GRID2: variants seen among roughly 807,000 people sequenced by gnomAD.
GRID2 encodes the protein glutamate receptor ionotropic, delta-2.
GRID2 carries 33 observed loss-of-function variants against 114.8 expected under a neutral mutation model. That is an observed-to-expected ratio of 0.29 (90% CI 0.22 to 0.38). The LOEUF (loss-of-function observed/expected upper bound fraction) is 0.38, where lower values mean the gene tolerates loss of function less well. Ranked by LOEUF, GRID2 falls within the 10% of genes least tolerant of loss-of-function variation. The pLI is 1.00. For synonymous variants in GRID2, 505 were observed against 449.9 expected (o/e 1.12, Z -1.55); for missense variants, 1,184 against 1,257.7 (o/e 0.94, Z 0.89).
At chr4:92,564,133 C>A (rs1219722599) in intron 1 of GRID2, among the ~76,000 whole-genome samples, 1 of 151,836 alleles carries the variant, frequency 6.6e-6, no homozygotes, top group African/African-American at 2.4e-5. Flanking sequence ...ACCCTTAGTC[C>A]TAGTCTATAC....
chr4:93,578,916 A>G (rs1382712777), intron 13 of GRID2, among the ~76,000 whole-genome samples: 1 of 152,008 alleles, frequency 6.6e-6, no homozygotes. Context: ...TAACTGTCAG[A>G]CATTCTTCCA....
intron 13 of GRID2, among the ~76,000 whole-genome samples, chr4:93,555,665 G>A (rs545355424): frequency 9.2e-5 from 14 of 152,298 alleles, no homozygotes; most frequent in African/African-American, 2.4e-4. Context: ...GGGAAGGGGC[G>A]GCTGTGAAGT....
chr4:93,031,287 G>A (rs550386253), intron 2 of GRID2, among the ~76,000 whole-genome samples: 9 of 151,826 alleles, frequency 5.9e-5, no homozygotes, highest in Non-Finnish European at 1.2e-4. Context: ...CTAGTGATCT[G>A]CCTGCCTCGG....
chr4:93,016,069 G>GTA, intron 2 of GRID2, among the ~76,000 whole-genome samples: 1 of 151,086 alleles, frequency 6.6e-6, no homozygotes, highest in Middle Eastern at 3.4e-3. Flanking sequence ...GTGAGTGTGT[G>GTA]TGTGTGTGTG....
chr4:93,392,034 CT>C (rs1385745818), intron 8 of GRID2, among the ~76,000 whole-genome samples: 5 of 152,186 alleles, frequency 3.3e-5, no homozygotes, highest in Non-Finnish European at 7.4e-5. Context: ...ATTGGGTTTA[CT>C]TTTTTTATCC....
At chr4:93,747,879 A>G (rs1158318328) in intron 14 of GRID2, among the ~76,000 whole-genome samples, 1 of 152,132 alleles carries the variant, frequency 6.6e-6, no homozygotes, top group Non-Finnish European at 1.5e-5. Context: ...AGACATTCAA[A>G]AAATTATGAC....
chr4:92,616,914 T>A (rs182868181), intron 2 of GRID2, among the ~76,000 whole-genome samples: 1 of 151,686 alleles, frequency 6.6e-6, no homozygotes, highest in Admixed American at 6.6e-5. Context: ...TGCTTAAACT[T>A]GGCCCATAAT....
intron 14 of GRID2, among the ~76,000 whole-genome samples, chr4:93,709,469 T>C (rs1224317945): frequency 6.6e-6 from 1 of 152,190 alleles, no homozygotes; most frequent in Non-Finnish European, 1.5e-5. Flanking sequence ...GTCATTTGTA[T>C]GTTATTTATT....
intron 2 of GRID2, among the ~76,000 whole-genome samples, chr4:92,653,500 G>C (rs1208128139): frequency 6.6e-6 from 1 of 151,724 alleles, no homozygotes; most frequent in Non-Finnish European, 1.5e-5. Flanking sequence ...TTCATCGTCT[G>C]GTTTTCCCCT....
At chr4:93,238,529 A>G (rs1169277045) in intron 8 of GRID2, 39 bp downstream of exon 8, 2 of 1,564,816 alleles carry the variant, frequency 1.3e-6, no homozygotes, top group South Asian at 1.1e-5. Flanking sequence ...TTTTTCCTAT[A>G]CTATGGTTTT....
At chr4:93,370,453 G>A (rs574116022) in intron 8 of GRID2, among the ~76,000 whole-genome samples, 11 of 128,822 alleles carry the variant, frequency 8.5e-5, no homozygotes, top group East Asian at 6.8e-4. Flanking sequence ...ACACACACAC[G>A]CACACACAAA....
chr4:92,808,241 A>G (rs982172656), intron 2 of GRID2, among the ~76,000 whole-genome samples: 2 of 152,030 alleles, frequency 1.3e-5, no homozygotes, highest in African/African-American at 2.4e-5. Context: ...ATTTAACTCC[A>G]TAAGATCCAT....
chr4:92,925,878 G>C (rs1364619280), intron 2 of GRID2, among the ~76,000 whole-genome samples: 1 of 151,882 alleles, frequency 6.6e-6, no homozygotes, highest in East Asian at 1.9e-4. Flanking sequence ...CACTAGCACA[G>C]GTTCAAAGGG....
Position 93,611,161 on chromosome 4 carries a change from T to A in GRID2, c.2194-15108T>A, listed in dbSNP as rs1454919366. Reference sequence around the variant, plus strand: ...TATTTCTGTGGGATCGGTGGTGATATCCCCTTTATCATTTTTTATTGTGTC... The same window carrying A: ...TATTTCTGTGGGATCGGTGGTGATAACCCCTTTATCATTTTTTATTGTGTC... On this transcript the variant is annotated intron_variant, in intron 13 of 15. Coordinates refer to ENST00000282020, the MANE Select transcript of GRID2 (RefSeq NM_001510.4). 4.9e-5 allele frequency among the ~76,000 whole-genome samples: 5 copies of A among 101,702 alleles called. No homozygotes were observed. In the East Asian group the frequency reaches 1.0e-3, roughly 21 times the overall value. 66.7% of individuals were successfully genotyped at this position (101,702 alleles called of 152,430 possible).
rs1337829274 is a variant in GRID2 at position 92,304,627 on chromosome 4, C to A, written c.-30C>A. The A allele has an allele frequency of 2.0e-6, 3 of 1,485,520 alleles. No homozygotes were observed. The highest frequency in any genetic ancestry group is 2.3e-5 in the East Asian group (1 of 44,238). The allele number at this position is 1,485,520 out of a possible 1,614,324, so 92.0% of individuals were successfully genotyped here. A position where few individuals can be genotyped will look rare whatever the true frequency, so the allele number is the denominator to read the frequency against. On this transcript the variant is annotated 5_prime_UTR_variant, in exon 1 of 16. Transcript: ENST00000282020. ...AAAAAAAAAAAATTGGAAGAAAATC[C>A]ATCCTCCAAGAGAATCGGCATAGGA... is the stretch of plus-strand genomic sequence containing the variant.
chr4:93,102,498 T>C (rs1244399934), intron 3 of GRID2, among the ~76,000 whole-genome samples: 1 of 152,048 alleles, frequency 6.6e-6, no homozygotes, highest in African/African-American at 2.4e-5. Context: ...CTCCACTGCA[T>C]ACTGAAAACA....
At chr4:92,613,255 A>C (rs545098250) in intron 2 of GRID2, among the ~76,000 whole-genome samples, 17 of 151,448 alleles carry the variant, frequency 1.1e-4, no homozygotes, top group African/African-American at 3.6e-4. Context: ...CCAAATTTGC[A>C]TTCCTGGGAT....
rs186115831 is a variant in GRID2 at position 92,398,925 on chromosome 4, A to G, written c.88+94181A>G. 2.5e-3 allele frequency among the ~76,000 whole-genome samples: 374 copies of G among 152,292 alleles called. 4 individuals carry two copies. Among genetic ancestry groups the G allele is most frequent in the Non-Finnish European group, 5.1e-4 (35 of 68,024 alleles). ...ACGTGATAACTACATGAATATAGTA[A>G]AAGGATCAGATAGTCTCATAAAGTC... On this transcript the variant is annotated intron_variant, in intron 1 of 15. Coordinates refer to ENST00000282020, the MANE Select transcript of GRID2 (RefSeq NM_001510.4).
chr4:92,831,858 T>G (rs554381937), intron 2 of GRID2, among the ~76,000 whole-genome samples: 1 of 152,142 alleles, frequency 6.6e-6, no homozygotes, highest in South Asian at 2.1e-4. Context: ...AGACCCCATC[T>G]TGCTATATAA....
Sources: allele counts gnomAD v4.1 joint callset (sites outside exome capture counted in the v4.1 genomes callset), GRCh38; gene constraint gnomAD v4.1.1; transcripts MANE v1.5; gene names NCBI Gene and HGNC (gene_info 2026-07-23, HGNC 2026-07-21).